AGAP1: variants seen among roughly 807,000 people sequenced by gnomAD.
AGAP1 encodes the protein arf-GAP with GTPase, ANK repeat and PH domain-containing protein 1.
A neutral mutation model predicts 105.3 loss-of-function variants in AGAP1; 29 were observed. The ratio of observed to expected loss-of-function variants is 0.28; its 90% confidence interval spans 0.21 to 0.38. The LOEUF (loss-of-function observed/expected upper bound fraction) is 0.38, where lower values mean the gene tolerates loss of function less well. AGAP1 is among the 10% of genes least tolerant of loss of function. The pLI, the probability that AGAP1 is intolerant of heterozygous loss-of-function variation, is 1.00. For synonymous variants in AGAP1, 509 were observed against 485.9 expected, an observed-to-expected ratio of 1.05 and a Z score of -0.63; for missense variants, 998 against 1,165.1, an observed-to-expected ratio of 0.86 and a Z score of 2.09.
At chr2:235,589,133 G>A (rs1465185902) in intron 1 of AGAP1, among the ~76,000 whole-genome samples, 1 of 150,182 alleles carries the variant, frequency 6.7e-6, no homozygotes, top group East Asian at 1.9e-4. Flanking sequence ...AAGGTTTCAG[G>A]AGCCCCGATG....
chr2:235,817,566 T>A (rs576785402), intron 9 of AGAP1, among the ~76,000 whole-genome samples: 1 of 152,194 alleles, frequency 6.6e-6, no homozygotes, highest in South Asian at 2.1e-4. Flanking sequence ...TATATAGGAA[T>A]GTAAATATTA....
rs1948002676 is a variant in AGAP1, at chr2:235,662,744, G to T, written c.164-46435G>T. Among the ~76,000 whole-genome samples, 1 of 152,190 alleles carries T rather than the reference G, an allele frequency of 6.6e-6. No homozygotes were observed. The highest frequency in any genetic ancestry group is 2.1e-4 in the South Asian group (1 of 4,832). ...CAGCAAAGGTGCTCAGCAGCTGCAGGAGTTGGGGTTTTCTGGGCTCACACC... is the reference window on the plus strand; with the variant it reads ...CAGCAAAGGTGCTCAGCAGCTGCAGTAGTTGGGGTTTTCTGGGCTCACACC... On this transcript the variant is annotated intron_variant, in intron 1 of 17. Transcript: ENST00000304032. This position sits in a 1 kb window ranked among gnomAD's most constrained non-coding sequence, Gnocchi z 4.2.
At position 235,654,920 on chromosome 2, in the gene AGAP1, A is replaced by G. The variant is rs559061953; in HGVS notation, c.164-54259A>G. On this transcript the variant is annotated intron_variant, in intron 1 of 17. Transcript: ENST00000304032. ...ATAAGGAGTAGGCAGTATGTTTTCA[A>G]TCCCTGTGTTGTCTTTGTCACCATG... Among the ~76,000 whole-genome samples the G allele has an allele frequency of 7.2e-5, 11 of 152,320 alleles. No homozygotes were observed. In the South Asian group the frequency reaches 2.3e-3, roughly 32 times the overall value.
chr2:235,654,447 C>G (rs1947708386), intron 1 of AGAP1, among the ~76,000 whole-genome samples: 1 of 152,174 alleles, frequency 6.6e-6, no homozygotes, highest in African/African-American at 2.4e-5. Context: ...TAAATGATGG[C>G]TTCAGAAGGG....
intron 1 of AGAP1, among the ~76,000 whole-genome samples, chr2:235,581,841 A>G (rs1202084582): frequency 1.3e-5 from 2 of 152,166 alleles, no homozygotes; most frequent in Non-Finnish European, 2.9e-5. Context: ...CAAGGTTACC[A>G]TGGAGATCCT....
At chr2:235,673,680 A>G (rs533433313) in intron 1 of AGAP1, among the ~76,000 whole-genome samples, 2 of 152,328 alleles carry the variant, frequency 1.3e-5, no homozygotes, top group South Asian at 4.1e-4. Context: ...ATTGACAGCT[A>G]AACTATCGTA....
In AGAP1 at chr2:236,078,402, A is replaced by G. The variant is rs2058699232; in HGVS notation, c.2114+29121A>G. The stretch of plus-strand genomic sequence containing the variant: ...TAAGTGACATCTACAAAAGGCCTTC[A>G]CAGCAATGCATAGGTTGTGTGTGAT... On this transcript the variant is annotated intron_variant, in intron 16 of 17. Transcript: ENST00000304032. The surrounding 1 kb of genome is among the most constrained non-coding windows in gnomAD (Gnocchi z 5.3). 1.3e-5 allele frequency among the ~76,000 whole-genome samples: 2 copies of G among 152,120 alleles called. No homozygotes were observed.
In AGAP1 at chr2:235,988,543, A is replaced by G. The variant is rs1157102688; in HGVS notation, c.1645+19920A>G. Among the ~76,000 whole-genome samples the G allele has an allele frequency of 6.6e-6, 1 of 152,038 alleles. No individual in the cohort carries two copies. The highest frequency in any genetic ancestry group is 2.4e-5 in the African/African-American group (1 of 41,380). ...AGGTATGGCTGTTTTTCTGAGCAGT[A>G]GGTACTTAGTCAAGGCATGCAGGCG... On this transcript the variant is annotated intron_variant, in intron 13 of 17. Transcript: ENST00000304032. This position sits in a 1 kb window ranked among gnomAD's most constrained non-coding sequence, Gnocchi z 4.7.
intron 1 of AGAP1, among the ~76,000 whole-genome samples, chr2:235,682,722 G>A (rs914020872): frequency 2.0e-5 from 3 of 152,142 alleles, no homozygotes; most frequent in South Asian, 2.1e-4. Flanking sequence ...TTTCTCACCC[G>A]AAAAACTAGG....
rs544897411 is a variant in AGAP1, at chr2:236,055,589, G to A, written c.2114+6308G>A. 7.2e-5 allele frequency among the ~76,000 whole-genome samples: 11 copies of A among 152,358 alleles called. No homozygotes were observed. The South Asian group carries it at 1.4e-3, about 20-fold the overall frequency. Reference sequence around the variant, plus strand: ...CCTGCCCTGGCCCCAGCCGCAGAGCGGGTCCACCCTCCCAGTTTCCCCGTC... The same window carrying A: ...CCTGCCCTGGCCCCAGCCGCAGAGCAGGTCCACCCTCCCAGTTTCCCCGTC... On this transcript the variant is annotated intron_variant, in intron 16 of 17. Transcript: ENST00000304032. The surrounding 1 kb of genome is among the most constrained non-coding windows in gnomAD (Gnocchi z 6.2).
chr2:236,102,223 C>T (rs371009390), intron 16 of AGAP1, among the ~76,000 whole-genome samples: 114 of 152,220 alleles, frequency 7.5e-4, no homozygotes, highest in South Asian at 2.7e-3. Flanking sequence ...CGAGACCATC[C>T]TGGCTAACAC....
chr2:236,066,992 G>A (rs181427976), intron 16 of AGAP1, among the ~76,000 whole-genome samples: 1 of 151,668 alleles, frequency 6.6e-6, no homozygotes, highest in Admixed American at 6.6e-5. Context: ...CCCATGTAAG[G>A]GAATATCTGA....
In AGAP1 at chr2:236,090,376, C is replaced by G. The variant is rs535227256; in HGVS notation, c.2115-29816C>G. Among the ~76,000 whole-genome samples the G allele has an allele frequency of 6.6e-6, 1 of 152,188 alleles. No homozygotes were observed. Among genetic ancestry groups the G allele is most frequent in the Non-Finnish European group, 1.5e-5 (1 of 68,040 alleles). On this transcript the variant is annotated intron_variant, in intron 16 of 17. Transcript: ENST00000304032. This position sits in a 1 kb window ranked among gnomAD's most constrained non-coding sequence, Gnocchi z 4.3. ...AATTACTTCTCTCTGGTTTTTGAGA[C>G]GCACACTCAAGAGTCACAAATTAGA... is the stretch of plus-strand genomic sequence containing the variant.
intron 12 of AGAP1, among the ~76,000 whole-genome samples, chr2:235,941,039 C>A (rs2053235580): frequency 6.6e-6 from 1 of 152,152 alleles, no homozygotes; most frequent in Admixed American, 6.5e-5. Context: ...ATATAATCTT[C>A]TGAATTTTTA....
intron 1 of AGAP1, chr2:235,670,172 A>G (rs1575079335): frequency 1.7e-6 from 1 of 583,580 alleles, no homozygotes; most frequent in South Asian, 1.7e-5. Context: ...GACGCCCCCC[A>G]GAAAGACTGT....
At chr2:235,657,937 GA>G (rs1394617469) in intron 1 of AGAP1, among the ~76,000 whole-genome samples, 1 of 152,160 alleles carries the variant, frequency 6.6e-6, no homozygotes, top group Non-Finnish European at 1.5e-5. Flanking sequence ...GACACAGGGG[GA>G]AGACGGCATG....
rs11889233 is a variant in AGAP1, at chr2:235,770,823, G to A, written c.673+20335G>A. Among the ~76,000 whole-genome samples the A allele has an allele frequency of 3.0e-3, 452 of 152,252 alleles. 1 individual carries two copies. The highest frequency in any genetic ancestry group is 0.01 in the African/African-American group (433 of 41,548). The stretch of plus-strand genomic sequence containing the variant: ...GACCCCTGTACCGAGATGGTGTGGT[G>A]AGCAGGAAGATGGGGTCCCAAAAGA... On this transcript the variant is annotated intron_variant, in intron 6 of 17. Transcript: ENST00000304032.
rs1382957331 is a variant in AGAP1, at chr2:236,120,435, G to A, written c.2358G>A (p.Gln786=). Residue 786 remains glutamine, a synonymous_variant, in exon 17 of 18, where the codon CAG becomes CAA. Coordinates refer to ENST00000304032, the MANE Select transcript of AGAP1 (RefSeq NM_001037131.3). This position sits in a 1 kb window ranked among gnomAD's most constrained non-coding sequence, Gnocchi z 6.0. ...ACRKGNVVLA[Q]LLIWYGVDVT... is the part of the protein sequence containing the mutation. ...GCAAGGGGAATGTGGTCCTGGCGCA[G>A]CTCCTGATCTGGGTAGGTGGTCGGC... 6.2e-7 allele frequency: 1 copy of A among 1,611,430 alleles called. No individual in the cohort carries two copies. Among genetic ancestry groups the A allele is most frequent in the Non-Finnish European group, 8.5e-7 (1 of 1,179,776 alleles).
intron 9 of AGAP1, among the ~76,000 whole-genome samples, chr2:235,859,128 T>A (rs892499064): frequency 6.6e-6 from 1 of 152,234 alleles, no homozygotes; most frequent in Non-Finnish European, 1.5e-5. Flanking sequence ...CTGACAGTTT[T>A]GTTGCTACTG....
Sources: gnomAD v4.1 joint callset for allele counts (sites outside exome capture counted in the v4.1 genomes callset) on GRCh38, gnomAD v4.1.1 for gene constraint, Gnocchi (gnomAD v3.1) non-coding constraint, MANE v1.5 for transcripts, NCBI Gene and HGNC (gene_info 2026-07-23, HGNC 2026-07-21) for gene names.